KCND2: variants seen among roughly 807,000 people sequenced by gnomAD.
The protein encoded by KCND2 is potassium voltage-gated channel subfamily D member 2, also known as A-type voltage-gated potassium channel KCND2.
A neutral mutation model predicts 54.4 loss-of-function variants in KCND2; 16 were observed. That is an observed-to-expected ratio of 0.29 (90% CI 0.20 to 0.45). KCND2 has a LOEUF of 0.45. Ranked by LOEUF, KCND2 falls within the 20% of genes least tolerant of loss-of-function variation. The probability of loss-of-function intolerance (pLI) is 1.00; values close to 1 mark genes in which losing one functional copy is unlikely to be tolerated. For missense variants in KCND2, 486 were observed against 824.2 expected (o/e 0.59, Z 5.02); for synonymous variants, 317 against 310.7 (o/e 1.02, Z -0.21).
intron 1 of KCND2, among the ~76,000 whole-genome samples, chr7:120,506,576 A>T (rs1803022953): frequency 6.6e-6 from 1 of 151,894 alleles, no homozygotes; most frequent in South Asian, 2.1e-4. Context: ...CTTACAAAAC[A>T]TTTATTTTCA....
rs570695615 is a variant in KCND2, at chr7:120,747,664, AT to A, written c.1716-8del. The A allele has an allele frequency of 2.4e-3, 3,718 of 1,570,632 alleles. 28 individuals carry two copies. The highest frequency in any genetic ancestry group is 0.012 in the East Asian group (529 of 44,130). On this transcript the variant is annotated splice_polypyrimidine_tract_variant and intron_variant, in intron 5 of 5. Transcript: ENST00000331113. ...AAGTAAACAACTTACTTTCCTAAATATTTTTTTTTCTATCAGCCGATCCAGT... is the reference window on the plus strand; with the variant it reads ...AAGTAAACAACTTACTTTCCTAAATATTTTTTTTCTATCAGCCGATCCAGT...
At chr7:120,671,135 A>G (rs940948220) in intron 1 of KCND2, among the ~76,000 whole-genome samples, 2 of 151,992 alleles carry the variant, frequency 1.3e-5, no homozygotes, top group Admixed American at 1.3e-4. Context: ...GAATTTGTTT[A>G]CCAAGTGTGC....
intron 1 of KCND2, among the ~76,000 whole-genome samples, chr7:120,323,506 A>T (rs1306797477): frequency 3.5e-5 from 5 of 142,502 alleles, no homozygotes; most frequent in African/African-American, 7.9e-5. Context: ...TGTCCATGTG[A>T]TCTCATTGTT....
rs139303134 is a variant in KCND2, at chr7:120,518,810, T to A, written c.1116-214093T>A. On this transcript the variant is annotated intron_variant, in intron 1 of 5. Coordinates refer to ENST00000331113, the MANE Select transcript of KCND2 (RefSeq NM_012281.3). ...GGTTATATTGGATATGTCCTTTACATGACAAAAGGGACTTTGCCGACGTGA... is the reference window on the plus strand; with the variant it reads ...GGTTATATTGGATATGTCCTTTACAAGACAAAAGGGACTTTGCCGACGTGA... Among the ~76,000 whole-genome samples the A allele has an allele frequency of 1.4e-4, 21 of 152,304 alleles. No individual in the cohort carries two copies. In the East Asian group the frequency reaches 4.1e-3, roughly 29 times the overall value.
rs767095875 is a variant in KCND2, at chr7:120,314,257, C to T, written c.1115+38510C>T. ...GTTTATTTTCAAAATGCATTGAACC[C>T]GGGAGGTGGAGCTTGCAGTGAGCCG... On this transcript the variant is annotated intron_variant, in intron 1 of 5. Transcript: ENST00000331113. 2.5e-4 allele frequency among the ~76,000 whole-genome samples: 37 copies of T among 150,918 alleles called. 1 individual carries two copies. Among genetic ancestry groups the T allele is most frequent in the Admixed American group, 1.1e-3 (17 of 15,164 alleles).
At chr7:120,449,422 C>T (rs374822341) in intron 1 of KCND2, among the ~76,000 whole-genome samples, 18 of 152,100 alleles carry the variant, frequency 1.2e-4, no homozygotes, top group African/African-American at 4.1e-4. Context: ...TTTCTCTGAC[C>T]GGATTGAAGA....
At chr7:120,713,086 CA>C (rs1202572714) in intron 1 of KCND2, among the ~76,000 whole-genome samples, 5 of 152,118 alleles carry the variant, frequency 3.3e-5, no homozygotes, top group Non-Finnish European at 5.9e-5. Context: ...TATTAATAGC[CA>C]CCTCATTGTG....
rs562798465 is a variant in KCND2 at position 120,511,003 on chromosome 7, ATCTC to A, written c.1116-221881_1116-221878del. ...CTCCCATGACTTGACACCTTTCCCC[ATCTC>A]TCTCTCTCTCTCTCTCTCACACACA... On this transcript the variant is annotated intron_variant, in intron 1 of 5. Transcript: ENST00000331113. 1.4e-4 allele frequency among the ~76,000 whole-genome samples: 18 copies of A among 127,434 alleles called. No homozygotes were observed. The South Asian group carries it at 2.3e-3, about 16-fold the overall frequency. The allele number at this position is 127,434 out of a possible 152,430, so 83.6% of individuals were successfully genotyped here. A position where few individuals can be genotyped will look rare whatever the true frequency, so the allele number is the denominator to read the frequency against.
chr7:120,718,996 A>G (rs1319680515), intron 1 of KCND2, among the ~76,000 whole-genome samples: 2 of 152,148 alleles, frequency 1.3e-5, no homozygotes, highest in Non-Finnish European at 2.9e-5. Flanking sequence ...GGGTGGTTCA[A>G]TAAATTGAAC....
At chr7:120,299,638 T>C (rs937906984) in intron 1 of KCND2, among the ~76,000 whole-genome samples, 5 of 152,180 alleles carry the variant, frequency 3.3e-5, no homozygotes, top group African/African-American at 1.2e-4. Flanking sequence ...GCTTCTTTCA[T>C]CAAGTTCTCT....
chr7:120,522,965 A>AT (rs1483090350), intron 1 of KCND2, among the ~76,000 whole-genome samples: 1 of 152,088 alleles, frequency 6.6e-6, no homozygotes, highest in East Asian at 1.9e-4. Flanking sequence ...CCTATTCTCA[A>AT]TTTGTAGTAT....
intron 1 of KCND2, among the ~76,000 whole-genome samples, chr7:120,507,648 T>C (rs537060967): frequency 1.3e-5 from 2 of 152,032 alleles, no homozygotes; most frequent in African/African-American, 4.8e-5. Context: ...GAAGACTACA[T>C]GTTATGCAGT....
chr7:120,312,164 C>T (rs1212081880), intron 1 of KCND2, among the ~76,000 whole-genome samples: 1 of 152,146 alleles, frequency 6.6e-6, no homozygotes, highest in Non-Finnish European at 1.5e-5. Flanking sequence ...ACTTCGGCCT[C>T]CCAAAATGCT....
At chr7:120,501,209 C>T (rs1477640876) in intron 1 of KCND2, among the ~76,000 whole-genome samples, 3 of 152,044 alleles carry the variant, frequency 2.0e-5, no homozygotes, top group Non-Finnish European at 4.4e-5. Flanking sequence ...TGCCAAGGAC[C>T]AAGAAGTGTT....
intron 1 of KCND2, among the ~76,000 whole-genome samples, chr7:120,296,476 T>C (rs1329686361): frequency 6.6e-6 from 1 of 152,148 alleles, no homozygotes; most frequent in African/African-American, 2.4e-5. Context: ...TTCTAATAAT[T>C]AGCTTCACAT....
intron 1 of KCND2, among the ~76,000 whole-genome samples, chr7:120,467,750 A>G (rs1479629635): frequency 2.6e-5 from 4 of 152,098 alleles, no homozygotes; most frequent in Non-Finnish European, 4.4e-5. Flanking sequence ...ATAATAAGCT[A>G]TACACAACAC....
chr7:120,459,108 C>T (rs1802243497), intron 1 of KCND2, among the ~76,000 whole-genome samples: 1 of 152,040 alleles, frequency 6.6e-6, no homozygotes, highest in African/African-American at 2.4e-5. Flanking sequence ...TGCAAACTCT[C>T]CCAGAAAACA....
At chr7:120,275,791 G>A (rs780295913) in intron 1 of KCND2, 44 bp downstream of exon 1, 2 of 1,589,654 alleles carry the variant, frequency 1.3e-6, no homozygotes, top group African/African-American at 1.3e-5. Context: ...GGGTATGGGT[G>A]AGGCGATTGT....
intron 1 of KCND2, among the ~76,000 whole-genome samples, chr7:120,334,716 T>C (rs967162787): frequency 1.3e-5 from 2 of 152,186 alleles, no homozygotes; most frequent in Non-Finnish European, 1.5e-5. Flanking sequence ...TCACCTCATC[T>C]TAACATTCTA....
Sources: gnomAD v4.1 joint callset for allele counts (sites outside exome capture counted in the v4.1 genomes callset) on GRCh38, gnomAD v4.1.1 for gene constraint, MANE v1.5 for transcripts, NCBI Gene and HGNC (gene_info 2026-07-23, HGNC 2026-07-21) for gene names.